The following ASS1 variants were observed in gnomAD, a reference collection of about 807,000 sequenced individuals.
The protein encoded by ASS1 is argininosuccinate synthase.
Under a neutral mutation model 60.5 loss-of-function variants are expected in ASS1, and 58 were observed. The ratio of observed to expected loss-of-function variants is 0.96; its 90% CI spans 0.78 to 1.19. The LOEUF (loss-of-function observed/expected upper bound fraction) is 1.19, where lower values mean the gene tolerates loss of function less well. ASS1 is among the 50% of genes most tolerant of loss of function. The probability of loss-of-function intolerance (pLI) is 0.00; values close to 1 mark genes in which losing one functional copy is unlikely to be tolerated. For synonymous variants in ASS1, 200 were observed against 206.9 expected (o/e 0.97, Z 0.29); for missense variants, 454 against 547.3 (o/e 0.83, Z 1.70).
chr9:130,500,867 C>G, intron 14 of ASS1, 109 bp from the exon 15 acceptor site: 1 of 1,225,784 alleles, frequency 8.2e-7, no homozygotes, highest in Non-Finnish European at 1.2e-6. Context: ...TCACACACAT[C>G]TTAACAAACA....
Position 130,501,129 on chromosome 9 carries a change from A to G in ASS1, c.*108A>G, listed in dbSNP as rs942665679. The G allele has an allele frequency of 7.7e-7, 1 of 1,294,710 alleles. No individual in the cohort carries two copies. Among genetic ancestry groups the G allele is most frequent in the African/African-American group, 1.5e-5 (1 of 68,346 alleles). 80.2% of individuals were successfully genotyped at this position (1,294,710 alleles called of 1,614,324 possible). On this transcript the variant is annotated 3_prime_UTR_variant, in exon 15 of 15. Transcript: ENST00000352480. ...TTGTGACTTGTTCTCCCCGGCTGGC[A>G]GCGTAGTGGGGCTGCCAGGCCCCAG...
intron 7 of ASS1, 112 bp downstream of exon 7, chr9:130,471,016 G>C: frequency 7.8e-7 from 1 of 1,289,678 alleles, no homozygotes; most frequent in Admixed American, 1.7e-5. Flanking sequence ...CCTGCCCTCG[G>C]GGAGCTGAGA....
chr9:130,461,920 A>C (rs1215979), intron 4 of ASS1, among the ~76,000 whole-genome samples: 105,186 of 152,034 alleles, frequency 0.69, 38,866 homozygotes, highest in East Asian at 0.97. Flanking sequence ...TTGGGGGGAC[A>C]ACGGATTGGC....
At chr9:130,465,746 C>T (rs1334104131) in intron 5 of ASS1, among the ~76,000 whole-genome samples, 1 of 152,242 alleles carries the variant, frequency 6.6e-6, no homozygotes, top group African/African-American at 2.4e-5. Context: ...GGATGCGTGG[C>T]CTGGAGGTGA....
In ASS1 at chr9:130,494,733, G is replaced by A. The variant is rs966562448; in HGVS notation, c.971-134G>A. On this transcript the variant is annotated intron_variant, in intron 12 of 14. Transcript: ENST00000352480. This position sits in a 1 kb window ranked among gnomAD's most constrained non-coding sequence, Gnocchi z 4.3. ...TCAGCCACTGGCAAGCGCACATTGTGCCAGTCTCGCGGGAGGCAGTCATGG... is the reference window on the plus strand; with the variant it reads ...TCAGCCACTGGCAAGCGCACATTGTACCAGTCTCGCGGGAGGCAGTCATGG... The A allele has an allele frequency of 1.4e-5, 17 of 1,172,538 alleles. No homozygotes were observed. Among genetic ancestry groups the A allele is most frequent in the Non-Finnish European group, 2.1e-5 (17 of 803,588 alleles). 72.6% of individuals were successfully genotyped at this position (1,172,538 alleles called of 1,614,324 possible).
Position 130,488,566 on chromosome 9 carries a change from T to C in ASS1, c.839-767T>C, listed in dbSNP as rs1846364179. Reference sequence around the variant, plus strand: ...GCATTTCTGTCTCACTCGGAGATCATCTGTTCCAAGCAGGTTGTTTTCCAA... The same window carrying C: ...GCATTTCTGTCTCACTCGGAGATCACCTGTTCCAAGCAGGTTGTTTTCCAA... On this transcript the variant is annotated intron_variant, in intron 11 of 14. Transcript: ENST00000352480. This position sits in a 1 kb window ranked among gnomAD's most constrained non-coding sequence, Gnocchi z 5.2. Among the ~76,000 whole-genome samples the C allele has an allele frequency of 6.6e-6, 1 of 152,244 alleles. No individual in the cohort carries two copies. The highest frequency in any genetic ancestry group is 2.4e-5 in the African/African-American group (1 of 41,470).
intron 11 of ASS1, among the ~76,000 whole-genome samples, chr9:130,483,451 C>T (rs959917396): frequency 1.3e-5 from 2 of 150,312 alleles, no homozygotes; most frequent in African/African-American, 2.5e-5. Context: ...CTGGGGAAGC[C>T]GCGGCTGGAG....
At chr9:130,461,253 G>A (rs1845583925) in intron 4 of ASS1, among the ~76,000 whole-genome samples, 1 of 148,986 alleles carries the variant, frequency 6.7e-6, no homozygotes, top group Non-Finnish European at 1.5e-5. Context: ...GGCAGTTCCC[G>A]GGTCCATGCG....
At position 130,459,045 on chromosome 9, in the gene ASS1, C is replaced by T. The variant is rs1845520664; in HGVS notation, c.363+456C>T. Among the ~76,000 whole-genome samples the T allele has an allele frequency of 6.6e-6, 1 of 152,240 alleles. No homozygotes were observed. Among genetic ancestry groups the T allele is most frequent in the South Asian group, 2.1e-4 (1 of 4,836 alleles). Reference sequence around the variant, plus strand: ...TCCTGAACCTCAGTTTCTTCATTTGCAAGATGGGGCTCATGCCATGTCTTA... The same window carrying T: ...TCCTGAACCTCAGTTTCTTCATTTGTAAGATGGGGCTCATGCCATGTCTTA... On this transcript the variant is annotated intron_variant, in intron 4 of 14. Coordinates refer to ENST00000352480, the MANE Select transcript of ASS1 (RefSeq NM_054012.4). This position sits in a 1 kb window ranked among gnomAD's most constrained non-coding sequence, Gnocchi z 4.6.
At chr9:130,461,853 G>A (rs1005049592) in intron 4 of ASS1, among the ~76,000 whole-genome samples, 2 of 152,176 alleles carry the variant, frequency 1.3e-5, no homozygotes, top group African/African-American at 4.8e-5. Context: ...CATCACGGGG[G>A]ACGGGCCAGG....
At chr9:130,453,064 G>A (rs952207265) in intron 2 of ASS1, among the ~76,000 whole-genome samples, 1 of 152,220 alleles carries the variant, frequency 6.6e-6, no homozygotes, top group Admixed American at 6.5e-5. Context: ...GTGCTTCTAA[G>A]ATCTATCTCC....
rs1057517402 is a variant in ASS1 at position 130,495,024 on chromosome 9, G to A, written c.1127+1G>A. The A allele has an allele frequency of 6.2e-7, 1 of 1,609,702 alleles. No individual in the cohort carries two copies. Among genetic ancestry groups the A allele is most frequent in the East Asian group, 2.2e-5 (1 of 44,780 alleles). ...CTCTCTACAATGAGGAGCTGGTGAG[G>A]TAGGTGCCCCACACCTCATTCTGAC... On this transcript the variant is annotated splice_donor_variant, in intron 13 of 14. Coordinates refer to ENST00000352480, the MANE Select transcript of ASS1 (RefSeq NM_054012.4). LOFTEE classifies it high-confidence loss of function.
rs144119245 is a variant in ASS1, at chr9:130,456,059, C to T, written c.174+1686C>T. 2.5e-3 allele frequency among the ~76,000 whole-genome samples: 388 copies of T among 152,362 alleles called. 3 individuals carry two copies. Among genetic ancestry groups the T allele is most frequent in the African/African-American group, 8.6e-3 (356 of 41,574 alleles). On this transcript the variant is annotated intron_variant, in intron 3 of 14. Transcript: ENST00000352480. ...GCAGCGCAGGAGCAGGCTTTGTGCACGGCTTCAGCTTTTGTCCTTTATTCT... is the reference window on the plus strand; with the variant it reads ...GCAGCGCAGGAGCAGGCTTTGTGCATGGCTTCAGCTTTTGTCCTTTATTCT...
Position 130,470,154 on chromosome 9 carries a change from T to C in ASS1, c.496-680T>C, listed in dbSNP as rs1027593838. Among the ~76,000 whole-genome samples, 44 of 152,180 alleles carry C rather than the reference T, an allele frequency of 2.9e-4. No homozygotes were observed. The highest frequency in any genetic ancestry group is 1.0e-3 in the African/African-American group (43 of 41,448). On this transcript the variant is annotated intron_variant, in intron 6 of 14. Transcript: ENST00000352480. The surrounding 1 kb of genome is among the most constrained non-coding windows in gnomAD (Gnocchi z 4.3). ...AAGGCTGAGTCAGGTGGGCCTTCCA[T>C]GCGTGACCTGCAGCCCTCTTAGCCT...
intron 4 of ASS1, among the ~76,000 whole-genome samples, chr9:130,463,259 G>A (rs1240685760): frequency 2.0e-5 from 3 of 152,258 alleles, no homozygotes; most frequent in Non-Finnish European, 4.4e-5. Context: ...GGAAGCAGGA[G>A]ACGTGCGCGG....
intron 3 of ASS1, among the ~76,000 whole-genome samples, chr9:130,455,231 TATTCATCCATCC>T (rs1437149815): frequency 3.3e-5 from 5 of 149,680 alleles, no homozygotes; most frequent in South Asian, 4.3e-4. Flanking sequence ...TCCATCCGTC[TATTCATCCATCC>T]ATTCATCCAT....
Position 130,472,214 on chromosome 9 carries a change from AG to A in ASS1, c.597+701del, listed in dbSNP as rs762918066. Among the ~76,000 whole-genome samples the A allele has an allele frequency of 5.9e-5, 9 of 151,994 alleles. No homozygotes were observed. The East Asian group carries it at 1.7e-3, about 29-fold the overall frequency. ...CCACACCCCGGGGAGGCTGGTTTGG[AG>A]GCGGGAAAAGTGTGCTTTTTGAGGG... On this transcript the variant is annotated intron_variant, in intron 8 of 14. Coordinates refer to ENST00000352480, the MANE Select transcript of ASS1 (RefSeq NM_054012.4).
intron 6 of ASS1, 75 bp downstream of exon 6, chr9:130,466,874 G>C: frequency 1.3e-6 from 2 of 1,520,094 alleles, no homozygotes; most frequent in Non-Finnish European, 1.8e-6. Context: ...GCTGGGGGCT[G>C]TCTGAGCCAG....
intron 13 of ASS1, among the ~76,000 whole-genome samples, chr9:130,496,189 G>A (rs1023031198): frequency 2.0e-5 from 3 of 152,146 alleles, no homozygotes; most frequent in Admixed American, 1.3e-4. Flanking sequence ...GGGAGGCCAA[G>A]GCAGGAGGAT....
Sources: gnomAD v4.1 joint callset for allele counts (sites outside exome capture counted in the v4.1 genomes callset) on GRCh38, gnomAD v4.1.1 for gene constraint, Gnocchi (gnomAD v3.1) non-coding constraint, MANE v1.5 for transcripts, NCBI Gene and HGNC (gene_info 2026-07-23, HGNC 2026-07-21) for gene names.